BIRC5: variants seen among roughly 807,000 people sequenced by gnomAD.
The protein encoded by BIRC5 is baculoviral IAP repeat containing 5.
BIRC5 carries 8 observed loss-of-function variants against 15.8 expected under a neutral mutation model. That is an observed-to-expected ratio of 0.51 (90% CI 0.30 to 0.91). BIRC5 has a LOEUF of 0.91. BIRC5 is among the 40% of genes least tolerant of loss of function. BIRC5 has a pLI of 0.07. For missense variants in BIRC5, 163 were observed against 178.6 expected (o/e 0.91, Z 0.50); for synonymous variants, 56 against 64.5 (o/e 0.87, Z 0.63).
In BIRC5 at chr17:78,216,759, G is replaced by C; in HGVS notation, c.317G>C (p.Arg106Thr). ...LTLGEFLKLD[R>T]ERAKNKIAKE... Reference sequence around the variant, plus strand: ...CTTGGTGAATTTTTGAAACTGGACAGAGAAAGAGCCAAGAACAAAATTGTA... The same window carrying C: ...CTTGGTGAATTTTTGAAACTGGACACAGAAAGAGCCAAGAACAAAATTGTA... The change falls in exon 3 of 4, where the codon AGA (arginine) becomes ACA (threonine). Residue 106 changes from arginine to threonine, a missense_variant. By Grantham distance (71) the Arg-to-Thr change is moderately conservative. Transcript: ENST00000350051. 1 of 1,613,768 alleles carries C rather than the reference G, an allele frequency of 6.2e-7. No individual in the cohort carries two copies. Among genetic ancestry groups the C allele is most frequent in the Non-Finnish European group, 8.5e-7 (1 of 1,179,858 alleles).
chr17:78,218,872 G>T (rs147590830), intron 3 of BIRC5, among the ~76,000 whole-genome samples: 2 of 152,206 alleles, frequency 1.3e-5, no homozygotes, highest in African/African-American at 4.8e-5. Context: ...CTCCCAAAGC[G>T]CTGAGATTAC....
chr17:78,225,513 G>C lies in BIRC5; in HGVS notation c.*1959G>C, dbSNP rs1261598860. On this transcript the variant is annotated 3_prime_UTR_variant, in exon 4 of 4. Coordinates refer to ENST00000350051, the MANE Select transcript of BIRC5 (RefSeq NM_001168.3). Reference sequence around the variant, plus strand: ...GGGCCAACTGCCATCCTGGAAAGTAGAGACAGCAGTGCCCGCTGCCCAGAA... The same window carrying C: ...GGGCCAACTGCCATCCTGGAAAGTACAGACAGCAGTGCCCGCTGCCCAGAA... 1.3e-5 allele frequency: 2 copies of C among 152,270 alleles called. No homozygotes were observed. Among genetic ancestry groups the C allele is most frequent in the Non-Finnish European group, 1.5e-5 (1 of 68,058 alleles). The allele number at this position is 152,270 out of a possible 1,614,324, so 9.4% of individuals were successfully genotyped here.
At chr17:78,217,171 C>T (rs1050509687) in intron 3 of BIRC5, among the ~76,000 whole-genome samples, 2 of 150,234 alleles carry the variant, frequency 1.3e-5, no homozygotes, top group African/African-American at 5.0e-5. Flanking sequence ...AACCACCACG[C>T]CTGGCTTTTT....
chr17:78,218,061 T>C (rs2076492071), intron 3 of BIRC5, among the ~76,000 whole-genome samples: 1 of 151,852 alleles, frequency 6.6e-6, no homozygotes, highest in African/African-American at 2.4e-5. Context: ...TCCTTTTGCC[T>C]GGGCCTCCCA....
chr17:78,214,320 G>C lies in BIRC5; in HGVS notation c.4G>C (p.Gly2Arg), dbSNP rs774532555. The change falls in exon 1 of 4, where the codon GGT (glycine) becomes CGT (arginine). Residue 2 changes from glycine (G) to arginine (R), a missense_variant. Physicochemically the swap from Gly to Arg is moderately radical, Grantham distance 125. Coordinates refer to ENST00000350051, the MANE Select transcript of BIRC5 (RefSeq NM_001168.3). ...TGGCAGAGGTGGCGGCGGCGGCATG[G>C]GTGCCCCGACGTTGCCCCCTGCCTG... M[G>R]APTLPPAWQP... The C allele has an allele frequency of 1.2e-6, 2 of 1,604,370 alleles. No individual in the cohort carries two copies. The highest frequency in any genetic ancestry group is 3.4e-5 in the Admixed American group (2 of 58,784).
rs982941178 is a variant in BIRC5, at chr17:78,214,352, C to G, written c.36C>G (p.Pro12=). 1.2e-6 allele frequency: 2 copies of G among 1,609,018 alleles called. No individual in the cohort carries two copies. The highest frequency in any genetic ancestry group is 1.7e-6 in the Non-Finnish European group (2 of 1,178,108). ...CGACGTTGCCCCCTGCCTGGCAGCC[C>G]TTTCTCAAGGACCACCGCATCTCTA... ...GAPTLPPAWQ[P]FLKDHRISTF... Residue 12 remains proline (P), a synonymous_variant, in exon 1 of 4, where the codon CCC becomes CCG. Coordinates refer to ENST00000350051, the MANE Select transcript of BIRC5 (RefSeq NM_001168.3).
chr17:78,222,743 G>T, intron 3 of BIRC5: 1 of 1,477,956 alleles, frequency 6.8e-7, no homozygotes, highest in South Asian at 1.3e-5. Flanking sequence ...GTTTTTTAAT[G>T]TAGTAGAGGA....
chr17:78,222,795 G>A, intron 3 of BIRC5: 1 of 1,534,798 alleles, frequency 6.5e-7, no homozygotes, highest in Non-Finnish European at 8.7e-7. Context: ...GGGGTCCCTG[G>A]ATTTGCTAAT....
Position 78,215,993 on chromosome 17 carries a change from T to G in BIRC5, c.222-671T>G, listed in dbSNP as rs368648511. The G allele has an allele frequency of 9.4e-7, 1 of 1,061,864 alleles. No homozygotes were observed. Among genetic ancestry groups the G allele is most frequent in the African/African-American group, 1.7e-5 (1 of 59,140 alleles). 65.8% of individuals were successfully genotyped at this position (1,061,864 alleles called of 1,614,324 possible). On this transcript the variant is annotated intron_variant, in intron 2 of 3. Transcript: ENST00000350051. The stretch of plus-strand genomic sequence containing the variant: ...GGCCGGGCACGGTGGCTTACGCCTG[T>G]AATACCAGCACTTTGGGAGGCCGAG...
At chr17:78,222,651 G>A (rs909834933) in intron 3 of BIRC5, among the ~76,000 whole-genome samples, 3 of 152,140 alleles carry the variant, frequency 2.0e-5, no homozygotes, top group African/African-American at 7.2e-5. Flanking sequence ...GGCAACAAGA[G>A]CGAAAGTCCG....
chr17:78,223,419 T>C lies in BIRC5; in HGVS notation c.340-46T>C, dbSNP rs577440700. The C allele has an allele frequency of 4.0e-6, 6 of 1,503,534 alleles. No homozygotes were observed. The African/African-American group carries it at 7.0e-5, about 18-fold the overall frequency. The allele number at this position is 1,503,534 out of a possible 1,614,324, so 93.1% of individuals were successfully genotyped here. A position where few individuals can be genotyped will look rare whatever the true frequency, so the allele number is the denominator to read the frequency against. On this transcript the variant is annotated intron_variant, in intron 3 of 3. Coordinates refer to ENST00000350051, the MANE Select transcript of BIRC5 (RefSeq NM_001168.3). ...TGTCATCTTATCTACAGGATGTGAC[T>C]GGGAAGCTCTGGTTTCAGTGTCATG...
At chr17:78,214,815 T>TG in intron 2 of BIRC5, 26 bp downstream of exon 2, 1 of 1,585,714 alleles carries the variant, frequency 6.3e-7, no homozygotes, top group Non-Finnish European at 8.6e-7. Context: ...CCAGCCTCGA[T>TG]GGGCTTTGTT....
intron 2 of BIRC5, chr17:78,216,370 C>A (rs2076478067): frequency 6.5e-6 from 2 of 308,232 alleles, no homozygotes; most frequent in South Asian, 8.2e-5. Context: ...TTCCTTTGGA[C>A]ATATACCATG....
At chr17:78,214,944 C>T in intron 2 of BIRC5, 155 bp downstream of exon 2, 1 of 691,878 alleles carries the variant, frequency 1.4e-6, no homozygotes, top group Non-Finnish European at 2.5e-6. Context: ...TATGCTGGTG[C>T]CTTGGTGATG....
chr17:78,218,859 G>A (rs970655571), intron 3 of BIRC5, among the ~76,000 whole-genome samples: 4 of 151,974 alleles, frequency 2.6e-5, no homozygotes, highest in Non-Finnish European at 5.9e-5. Context: ...TGCCTGCCTC[G>A]GCCTCCCAAA....
At chr17:78,221,259 G>C (rs938435613) in intron 3 of BIRC5, among the ~76,000 whole-genome samples, 18 of 152,070 alleles carry the variant, frequency 1.2e-4, no homozygotes, top group African/African-American at 4.1e-4. Flanking sequence ...GGAGTGTTTT[G>C]TTTGTTTTCT....
chr17:78,224,943 G>A lies in BIRC5; in HGVS notation c.*1389G>A, dbSNP rs1022535363. On this transcript the variant is annotated 3_prime_UTR_variant, in exon 4 of 4. Coordinates refer to ENST00000350051, the MANE Select transcript of BIRC5 (RefSeq NM_001168.3). Reference sequence around the variant, plus strand: ...CACTTATTTCTGCCACATCTGAGTCGGCCTGAGATAGACTTTTCCCTCTAA... The same window carrying A: ...CACTTATTTCTGCCACATCTGAGTCAGCCTGAGATAGACTTTTCCCTCTAA... 11 of 152,094 alleles carry A rather than the reference G, an allele frequency of 7.2e-5. No homozygotes were observed. The highest frequency in any genetic ancestry group is 1.3e-4 in the Non-Finnish European group (9 of 68,034). The allele number at this position is 152,094 out of a possible 1,614,324, so 9.4% of individuals were successfully genotyped here. A position where few individuals can be genotyped will look rare whatever the true frequency, so the allele number is the denominator to read the frequency against.
At chr17:78,222,865 C>T (rs1479771378) in intron 3 of BIRC5, 1 of 1,535,874 alleles carries the variant, frequency 6.5e-7, no homozygotes, top group African/African-American at 1.4e-5. Context: ...AATTGGAAGC[C>T]AGATTCAGGG....
chr17:78,214,374 T>G lies in BIRC5; in HGVS notation c.58T>G (p.Ser20Ala). The part of the protein sequence containing the change: ...WQPFLKDHRI[S>A]TFKNWPFLEG... ...GCCCTTTCTCAAGGACCACCGCATC[T>G]CTACATTCAAGAACTGGCCCTTCTT... Residue 20 changes from serine (S) to alanine (A), a missense_variant, in exon 1 of 4, where the codon TCT becomes GCT. Ser to Ala is a moderately conservative substitution (Grantham distance 99). Coordinates refer to ENST00000350051, the MANE Select transcript of BIRC5 (RefSeq NM_001168.3). 6.2e-7 allele frequency: 1 copy of G among 1,606,464 alleles called. No individual in the cohort carries two copies. The highest frequency in any genetic ancestry group is 8.5e-7 in the Non-Finnish European group (1 of 1,176,936).
Sources: allele counts gnomAD v4.1 joint callset (sites outside exome capture counted in the v4.1 genomes callset), GRCh38; gene constraint gnomAD v4.1.1; transcripts MANE v1.5; gene names NCBI Gene and HGNC (gene_info 2026-07-23, HGNC 2026-07-21).